The following FANCI variants were observed in gnomAD, a reference collection of about 807,000 sequenced individuals.
FANCI encodes the protein Fanconi anemia group I protein.
Under a neutral mutation model 176.1 loss-of-function variants are expected in FANCI, and 156 were observed. The ratio of observed to expected loss-of-function variants is 0.89; its 90% CI spans 0.78 to 1.01. The LOEUF (loss-of-function observed/expected upper bound fraction) is 1.01. FANCI is among the 50% of genes least tolerant of loss of function. FANCI has a pLI of 0.00. For missense variants in FANCI, 1,678 were observed against 1,534.1 expected (o/e 1.09, Z -1.57); for synonymous variants, 613 against 541.7 (o/e 1.13, Z -1.83).
rs567828120 is a variant in FANCI, at chr15:89,309,452, C to T, written c.3651+1780C>T. On this transcript the variant is annotated intron_variant, in intron 34 of 37. Transcript: ENST00000310775. Reference sequence around the variant, plus strand: ...CTTAGAGATTCGTGGTGTCCATTTGCATATTAAAGGTGCTGAGACCAGTCA... The same window carrying T: ...CTTAGAGATTCGTGGTGTCCATTTGTATATTAAAGGTGCTGAGACCAGTCA... 3.3e-5 allele frequency among the ~76,000 whole-genome samples: 5 copies of T among 152,116 alleles called. No homozygotes were observed. In the East Asian group the frequency reaches 9.7e-4, roughly 29 times the overall value.
chr15:89,301,323 C>G lies in FANCI; in HGVS notation c.2890-3C>G. The G allele has an allele frequency of 2.5e-6, 4 of 1,605,446 alleles. No homozygotes were observed. The highest frequency in any genetic ancestry group is 3.4e-6 in the Non-Finnish European group (4 of 1,172,172). On this transcript the variant is annotated splice_polypyrimidine_tract_variant and splice_region_variant and intron_variant, in intron 26 of 37. Transcript: ENST00000310775. ...GCTTGCTGTGTGTGCCTTCCTTTCT[C>G]AGAGGTCCTTGTTGAATTTACTTAG...
At chr15:89,300,666 T>A (rs1422266862) in intron 26 of FANCI, among the ~76,000 whole-genome samples, 1 of 152,190 alleles carries the variant, frequency 6.6e-6, no homozygotes, top group Non-Finnish European at 1.5e-5. Flanking sequence ...AGGCATAGAG[T>A]CTGTGTTTTT....
intron 2 of FANCI, among the ~76,000 whole-genome samples, chr15:89,254,692 C>T (rs1020322750): frequency 6.6e-6 from 1 of 152,104 alleles, no homozygotes; most frequent in Non-Finnish European, 1.5e-5. Flanking sequence ...GCTTGTATTC[C>T]TAGCTAACTG....
chr15:89,315,916 T>C (rs1457650196), intron 37 of FANCI, among the ~76,000 whole-genome samples: 1 of 152,162 alleles, frequency 6.6e-6, no homozygotes, highest in African/African-American at 2.4e-5. Context: ...GCACCTAAAA[T>C]TTTCATCTTA....
chr15:89,246,923 G>T (rs1215996394), intron 1 of FANCI, among the ~76,000 whole-genome samples: 1 of 151,234 alleles, frequency 6.6e-6, no homozygotes, highest in South Asian at 2.1e-4. Flanking sequence ...CCGCCACCAC[G>T]CCCAGCTAAT....
Position 89,305,261 on chromosome 15 carries a change from A to C in FANCI, c.3186+19A>C. The C allele has an allele frequency of 6.2e-7, 1 of 1,614,248 alleles. No homozygotes were observed. Among genetic ancestry groups the C allele is most frequent in the Non-Finnish European group, 8.5e-7 (1 of 1,180,034 alleles). On this transcript the variant is annotated intron_variant, in intron 29 of 37. Transcript: ENST00000310775. ...AGACCAGGTACTATAATGAGCCTTC[A>C]GTACAATACCCTGTGTGGGGATGGG... is the stretch of plus-strand genomic sequence containing the variant.
rs776378730 is a variant in FANCI, at chr15:89,258,721, G to C, written c.102G>C (p.Gln34His). ...LREGDLTNLL[Q>H]NQAVKGKVAG... ...CTTTGCAGTTGACTAATCTCCTTCAGAATCAAGCAGTGAAAGGAAAAGTTG... is the reference window on the plus strand; with the variant it reads ...CTTTGCAGTTGACTAATCTCCTTCACAATCAAGCAGTGAAAGGAAAAGTTG... Residue 34 changes from glutamine (Q) to histidine (H), a missense_variant, in exon 3 of 38, where the codon CAG (glutamine) becomes CAC (histidine). Around this residue, in one of 3 missense-constraint regions of FANCI, gnomAD observed 469 missense variants for 436.9 expected, o/e 1.07. Transcript: ENST00000310775. 1 of 1,613,484 alleles carries C rather than the reference G, an allele frequency of 6.2e-7. No homozygotes were observed.
In FANCI at chr15:89,299,945, C is replaced by T; in HGVS notation, c.2782C>T (p.Gln928Ter). The T allele has an allele frequency of 1.2e-6, 2 of 1,614,006 alleles. No homozygotes were observed. The highest frequency in any genetic ancestry group is 1.7e-6 in the Non-Finnish European group (2 of 1,179,956). Residue 928 changes from glutamine (Q) to a stop codon, truncating the protein, a stop_gained, in exon 25 of 38, where the codon CAG (glutamine) becomes TAG (stop). Coordinates refer to ENST00000310775, the MANE Select transcript of FANCI (RefSeq NM_001113378.2). LOFTEE classifies it high-confidence loss of function. ...AVQQFYQPKI[Q>*]QFLRALDVTD... The stretch of plus-strand genomic sequence containing the variant: ...GCAACAGTTCTATCAGCCCAAGATT[C>T]AGCAGTTTCTCAGAGCTCTGGGTAA...
At chr15:89,313,993 A>ACACT (rs2055081329) in intron 35 of FANCI, among the ~76,000 whole-genome samples, 1 of 151,620 alleles carries the variant, frequency 6.6e-6, no homozygotes, top group Non-Finnish European at 1.5e-5. Flanking sequence ...ACACACACAC[A>ACACT]CACACACACA....
rs117863225 is a variant in FANCI at position 89,280,444 on chromosome 15, A to G, written c.1382-726A>G. ...TCACCCCAGCATCATTGATTTCCCTACCATCTTCTGAATATGTCTTAAACT... is the reference window on the plus strand; with the variant it reads ...TCACCCCAGCATCATTGATTTCCCTGCCATCTTCTGAATATGTCTTAAACT... On this transcript the variant is annotated intron_variant, in intron 14 of 37. Transcript: ENST00000310775. Among the ~76,000 whole-genome samples, 401 of 152,216 alleles carry G rather than the reference A, an allele frequency of 2.6e-3. 8 individuals carry two copies. The highest frequency in any genetic ancestry group is 0.015 in the East Asian group (77 of 5,186).
intron 34 of FANCI, among the ~76,000 whole-genome samples, 166 bp from the exon 35 acceptor site, chr15:89,312,736 CTT>C (rs1392512232): frequency 2.0e-5 from 3 of 151,576 alleles, no homozygotes; most frequent in African/African-American, 4.9e-5. Flanking sequence ...ACAAGAATCA[CTT>C]AACTCGGGGC....
chr15:89,315,007 C>T (rs947585304), intron 36 of FANCI, among the ~76,000 whole-genome samples: 11 of 152,144 alleles, frequency 7.2e-5, no homozygotes, highest in African/African-American at 2.2e-4. Flanking sequence ...TGGGGTCTCA[C>T]TATGCTGCCC....
chr15:89,286,977 C>CTTTTTTTTTTTTTTTTTTT lies in FANCI; in HGVS notation c.1821+1762_1821+1780dup, dbSNP rs543431700. Among the ~76,000 whole-genome samples the CTTTTTTTTTTTTTTTTTTT allele has an allele frequency of 3.7e-3, 320 of 86,024 alleles. 41 individuals are homozygous for CTTTTTTTTTTTTTTTTTTT. The highest frequency in any genetic ancestry group is 0.013 in the African/African-American group (281 of 21,168). The allele number at this position is 86,024 out of a possible 152,430, so 56.4% of individuals were successfully genotyped here. A position where few individuals can be genotyped will look rare whatever the true frequency, so the allele number is the denominator to read the frequency against. ...TCAGCATTTGCTGCTTCACCTTGCA[C>CTTTTTTTTTTTTTTTTTTT]TTTTTTTTTTTTTTTTTTTTTGAGT... On this transcript the variant is annotated intron_variant, in intron 18 of 37. Transcript: ENST00000310775.
intron 3 of FANCI, among the ~76,000 whole-genome samples, chr15:89,259,863 A>T (rs2052642863): frequency 6.6e-6 from 1 of 152,234 alleles, no homozygotes; most frequent in Admixed American, 6.5e-5. Flanking sequence ...TTATGTGGAT[A>T]TACAACATTT....
intron 18 of FANCI, among the ~76,000 whole-genome samples, chr15:89,286,576 G>T (rs1338426778): frequency 1.3e-5 from 2 of 152,120 alleles, no homozygotes; most frequent in South Asian, 2.1e-4. Flanking sequence ...TGAGCAGTAG[G>T]TCTCAACAGT....
At chr15:89,299,594 G>A (rs1475806416) in intron 24 of FANCI, among the ~76,000 whole-genome samples, 1 of 152,204 alleles carries the variant, frequency 6.6e-6, no homozygotes, top group African/African-American at 2.4e-5. Flanking sequence ...GTAGTTGCTT[G>A]GAAATGGGAG....
intron 34 of FANCI, among the ~76,000 whole-genome samples, chr15:89,309,206 G>A (rs939171326): frequency 6.6e-6 from 1 of 152,156 alleles, no homozygotes; most frequent in South Asian, 2.1e-4. Flanking sequence ...CAAACCTCAT[G>A]CTTGTAAATT....
At chr15:89,269,273 A>G (rs2053105022) in intron 10 of FANCI, among the ~76,000 whole-genome samples, 1 of 152,230 alleles carries the variant, frequency 6.6e-6, no homozygotes, top group Admixed American at 6.5e-5. Context: ...CAGCATGCTA[A>G]GAATAAGGAC....
In FANCI at chr15:89,307,463, CTTTT is replaced by C. The variant is rs768698404; in HGVS notation, c.3538-9_3538-6del. ...AGGACAGTCTACTAAATCTAGGAATCTTTTTTTATTAGTATCTCCAGGTGTGTCA... is the reference window on the plus strand; with the variant it reads ...AGGACAGTCTACTAAATCTAGGAATCTTTATTAGTATCTCCAGGTGTGTCA... On this transcript the variant is annotated splice_polypyrimidine_tract_variant and intron_variant, in intron 32 of 37. Coordinates refer to ENST00000310775, the MANE Select transcript of FANCI (RefSeq NM_001113378.2). The C allele has an allele frequency of 5.0e-6, 8 of 1,612,510 alleles. No individual in the cohort carries two copies. In the African/African-American group the frequency reaches 9.3e-5, roughly 19 times the overall value.
Sources: gnomAD v4.1 joint callset for allele counts (sites outside exome capture counted in the v4.1 genomes callset) on GRCh38, gnomAD v4.1.1 for gene constraint, gnomAD v4.1.1 regional missense constraint, MANE v1.5 for transcripts, NCBI Gene and HGNC (gene_info 2026-07-23, HGNC 2026-07-21) for gene names.